Variants in AATK observed in about 807,000 individuals in gnomAD.
The protein encoded by AATK is lemur tail kinase 1, also known as serine/threonine-protein kinase LMTK1.
Under a neutral mutation model 114.3 loss-of-function variants are expected in AATK, and 91 were observed. The observed-to-expected ratio is 0.80, with a 90% CI of 0.67 to 0.95. The LOEUF (loss-of-function observed/expected upper bound fraction) is 0.95, where lower values mean the gene tolerates loss of function less well. Among genes scored for constraint, AATK ranks in the 40% least tolerant of loss-of-function variants. AATK has a pLI of 0.00. For synonymous variants in AATK, 1,075 were observed against 916.5 expected, an observed-to-expected ratio of 1.17 and a Z score of -3.12; for missense variants, 2,176 against 1,965.2, an observed-to-expected ratio of 1.11 and a Z score of -2.03.
rs375296290 is a variant in AATK at position 81,128,505 on chromosome 17, A to T, written c.379T>A (p.Tyr127Asn). 6 of 1,549,192 alleles carry T rather than the reference A, an allele frequency of 3.9e-6. No homozygotes were observed. Among genetic ancestry groups the T allele is most frequent in the Non-Finnish European group, 5.2e-6 (6 of 1,146,884 alleles). Reference sequence around the variant, plus strand: ...CAGCCACGGCCGATTTCCTTCAGGTACAGGAGGCTGTGCCGGCCCACGTCT... The same window carrying T: ...CAGCCACGGCCGATTTCCTTCAGGTTCAGGAGGCTGTGCCGGCCCACGTCT... ...STDVGRHSLL[Y>N]LKEIGRGWFG... The change falls in exon 4 of 14, where the codon TAC becomes AAC. Residue 127 changes from tyrosine (Y) to asparagine (N), a missense_variant. Coordinates refer to ENST00000326724, the MANE Select transcript of AATK (RefSeq NM_001080395.3).
At chr17:81,127,998 C>G in intron 4 of AATK, 88 bp from the exon 5 acceptor site, 1 of 1,495,298 alleles carries the variant, frequency 6.7e-7, no homozygotes, top group Admixed American at 2.0e-5. Flanking sequence ...CGCCCCACGC[C>G]GGCCCCCAGG....
Position 81,138,574 on chromosome 17 carries a change from G to A in AATK, c.56-4073C>T, listed in dbSNP as rs566440777. Among the ~76,000 whole-genome samples the A allele has an allele frequency of 5.2e-3, 707 of 136,596 alleles. 1 individual carries two copies. The highest frequency in any genetic ancestry group is 7.3e-3 in the Non-Finnish European group (464 of 63,814). The allele number at this position is 136,596 out of a possible 152,430, so 89.6% of individuals were successfully genotyped here. On this transcript the variant is annotated intron_variant, in intron 1 of 13. Coordinates refer to ENST00000326724, the MANE Select transcript of AATK (RefSeq NM_001080395.3). ...CACACGTGCACACATACCCCCACAC[G>A]CACATACCCACACACGTGCACACCC...
intron 1 of AATK, among the ~76,000 whole-genome samples, chr17:81,161,408 G>A (rs938770019): frequency 4.6e-5 from 7 of 152,244 alleles, no homozygotes; most frequent in African/African-American, 1.2e-4. Context: ...ACTCCGGTCC[G>A]ACCTCATCTT....
chr17:81,162,725 C>A (rs2061440787), intron 1 of AATK, among the ~76,000 whole-genome samples: 1 of 152,218 alleles, frequency 6.6e-6, no homozygotes, highest in Admixed American at 6.5e-5. Context: ...CGTGGCCAGG[C>A]ACAGGCACTT....
intron 1 of AATK, among the ~76,000 whole-genome samples, chr17:81,143,597 C>A (rs1567821508): frequency 6.6e-6 from 1 of 152,048 alleles, no homozygotes; most frequent in Non-Finnish European, 1.5e-5. Context: ...CGTGGCCACA[C>A]CTGGTCCTCC....
intron 1 of AATK, among the ~76,000 whole-genome samples, chr17:81,161,338 C>A (rs954465220): frequency 2.6e-5 from 4 of 152,164 alleles, no homozygotes; most frequent in Non-Finnish European, 5.9e-5. Flanking sequence ...CTCCTTCCCG[C>A]GTGCACGCCA....
chr17:81,129,170 G>T (rs943678880), intron 3 of AATK, among the ~76,000 whole-genome samples: 1 of 152,226 alleles, frequency 6.6e-6, no homozygotes, highest in Non-Finnish European at 1.5e-5. Flanking sequence ...CTGCTCCCAC[G>T]TCAACTGCCC....
At chr17:81,140,315 G>A (rs1393783060) in intron 1 of AATK, among the ~76,000 whole-genome samples, 2 of 152,162 alleles carry the variant, frequency 1.3e-5, no homozygotes, top group African/African-American at 4.8e-5. Context: ...ATTTATTTAC[G>A]TCACACTTAG....
intron 2 of AATK, among the ~76,000 whole-genome samples, chr17:81,134,056 C>T (rs1287150046): frequency 1.3e-5 from 2 of 152,176 alleles, no homozygotes; most frequent in African/African-American, 4.8e-5. Context: ...GCTCCAGAGC[C>T]CCCGACGCCC....
chr17:81,130,972 C>G, intron 3 of AATK, 89 bp downstream of exon 3: 1 of 1,460,472 alleles, frequency 6.8e-7, no homozygotes, highest in Non-Finnish European at 9.1e-7. Context: ...CACTCCAGAG[C>G]TGAGTCTTCC....
intron 9 of AATK, among the ~76,000 whole-genome samples, chr17:81,124,485 C>T (rs140677939): frequency 3.3e-3 from 498 of 152,322 alleles, no homozygotes; most frequent in Admixed American, 5.2e-3. Flanking sequence ...ATGCTGAAGA[C>T]GGGCCGTTGG....
At position 81,122,050 on chromosome 17, in the gene AATK, CA is replaced by C; in HGVS notation, c.1885del (p.Trp629GlyfsTer30). 6.3e-7 allele frequency: 1 copy of C among 1,596,522 alleles called. No individual in the cohort carries two copies. Among genetic ancestry groups the C allele is most frequent in the Non-Finnish European group, 8.5e-7 (1 of 1,178,246 alleles). Reference protein sequence around the residue: ...LAEGGAEDADWGVAAFCPAFF... With the variant: ...LAEGGAEDADXGVAAFCPAFF... ...GGCAGGACAGAAGGCGGCCACGCCC[CA>C]GTCTGCATCCTCCGCTCCTCCCTCC... On this transcript the variant is annotated frameshift_variant, in exon 11 of 14. Transcript: ENST00000326724. LOFTEE classifies it high-confidence loss of function.
At chr17:81,152,393 C>T (rs906213275) in intron 1 of AATK, among the ~76,000 whole-genome samples, 39 of 152,172 alleles carry the variant, frequency 2.6e-4, no homozygotes, top group African/African-American at 9.4e-4. Flanking sequence ...TGTCACCCAC[C>T]TGGACAACAT....
At chr17:81,125,173 G>A (rs1205239089) in intron 7 of AATK, 159 bp from the exon 8 acceptor site, 20 of 702,890 alleles carry the variant, frequency 2.8e-5, no homozygotes, top group Admixed American at 5.0e-5. Flanking sequence ...TGGAAGGGGC[G>A]TTGGAGACAC....
intron 13 of AATK, 51 bp downstream of exon 13, chr17:81,119,329 C>G: frequency 6.6e-7 from 1 of 1,505,068 alleles, no homozygotes; most frequent in Non-Finnish European, 8.8e-7. Context: ...CTCGGAGCTC[C>G]GTGCCCTGCC....
intron 1 of AATK, among the ~76,000 whole-genome samples, chr17:81,135,386 C>T (rs971170128): frequency 1.1e-4 from 17 of 152,128 alleles, no homozygotes; most frequent in Admixed American, 1.1e-3. Context: ...GGGCCTGCCC[C>T]GTCCCACCGC....
In AATK at chr17:81,121,893, G is replaced by A. The variant is rs1288899289; in HGVS notation, c.2043C>T (p.Asn681=). The change falls in exon 11 of 14, where the codon AAC becomes AAT. Residue 681 remains asparagine, a synonymous_variant. Coordinates refer to ENST00000326724, the MANE Select transcript of AATK (RefSeq NM_001080395.3). The part of the protein sequence containing the change: ...RAAQRGHWRS[N]VSANNNSGSR... The stretch of plus-strand genomic sequence containing the variant: ...TGCCGCTGTTGTTGTTGGCTGACAC[G>A]TTGGAGCGCCAGTGCCCGCGCTGGG... 5 of 1,600,456 alleles carry A rather than the reference G, an allele frequency of 3.1e-6. No individual in the cohort carries two copies. Among genetic ancestry groups the A allele is most frequent in the African/African-American group, 2.7e-5 (2 of 74,912 alleles).
chr17:81,121,041 C>G lies in AATK; in HGVS notation c.2895G>C (p.Glu965Asp), dbSNP rs377123427. 2.5e-6 allele frequency: 4 copies of G among 1,609,512 alleles called. No homozygotes were observed. The African/African-American group carries it at 5.3e-5, about 21-fold the overall frequency. Residue 965 changes from glutamate (E) to aspartate (D), a missense_variant, in exon 11 of 14, where the codon GAG becomes GAC. Transcript: ENST00000326724. ...CGGGGCCCTCACCCTCTGAGGCCAG[C>G]TCCGCAAAGGCCTGGGGCTCACACC... is the stretch of plus-strand genomic sequence containing the variant. ...QEGCEPQAFAELASEGEGPGP... is the reference protein window; with the variant it reads ...QEGCEPQAFADLASEGEGPGP...
chr17:81,121,910 C>A lies in AATK; in HGVS notation c.2026G>T (p.Gly676Trp), dbSNP rs774739437. The change falls in exon 11 of 14, where the codon GGG becomes TGG. Residue 676 changes from glycine (G) to tryptophan (W), a missense_variant. Gly to Trp is a radical substitution (Grantham distance 184). This residue lies in a region of AATK where 1,701 missense variants were observed against 1,394.7 expected (regional missense o/e 1.22). Coordinates refer to ENST00000326724, the MANE Select transcript of AATK (RefSeq NM_001080395.3). ...GCTGACACGTTGGAGCGCCAGTGCC[C>A]GCGCTGGGCGGCCCTCCGCGCTCCC... ...EVGARRAAQR[G>W]HWRSNVSANN... 2.5e-6 allele frequency: 4 copies of A among 1,600,572 alleles called. No individual in the cohort carries two copies. Among genetic ancestry groups the A allele is most frequent in the African/African-American group, 2.7e-5 (2 of 75,024 alleles).
Sources: allele counts gnomAD v4.1 joint callset (sites outside exome capture counted in the v4.1 genomes callset), GRCh38; gene constraint gnomAD v4.1.1; regional missense constraint gnomAD v4.1.1; transcripts MANE v1.5; gene names NCBI Gene and HGNC (gene_info 2026-07-23, HGNC 2026-07-21).